The following PAPPA2 variants were observed in gnomAD, a reference collection of about 807,000 sequenced individuals.
PAPPA2 encodes the protein pappalysin-2.
A neutral mutation model predicts 176.4 loss-of-function variants in PAPPA2; 86 were observed. That is an observed-to-expected ratio of 0.49 (90% CI 0.41 to 0.58). PAPPA2 has a LOEUF of 0.58. PAPPA2 is among the 20% of genes least tolerant of loss of function. PAPPA2 has a pLI of 0.00. For synonymous variants in PAPPA2, 809 were observed against 852.2 expected, an observed-to-expected ratio of 0.95 and a Z score of 0.88; for missense variants, 2,073 against 2,256.9, an observed-to-expected ratio of 0.92 and a Z score of 1.65.
intron 1 of PAPPA2, among the ~76,000 whole-genome samples, chr1:176,497,282 C>T (rs940282624): frequency 2.6e-5 from 4 of 152,194 alleles, no homozygotes; most frequent in African/African-American, 7.2e-5. Flanking sequence ...CTACGACCAC[C>T]TAATGCAGAA....
At chr1:176,830,992 CAAAT>C (rs944897291) in intron 21 of PAPPA2, among the ~76,000 whole-genome samples, 3 of 152,182 alleles carry the variant, frequency 2.0e-5, no homozygotes, top group African/African-American at 7.2e-5. Context: ...AAAATCTTGA[CAAAT>C]GAATTGTACA....
intron 12 of PAPPA2, among the ~76,000 whole-genome samples, chr1:176,720,765 C>G (rs1304424046): frequency 6.6e-6 from 1 of 152,094 alleles, no homozygotes; most frequent in Non-Finnish European, 1.5e-5. Flanking sequence ...ATGCTGGTAG[C>G]ATGACTCAGT....
At chr1:176,552,479 C>T (rs1651023568) in intron 1 of PAPPA2, among the ~76,000 whole-genome samples, 1 of 151,402 alleles carries the variant, frequency 6.6e-6, no homozygotes, top group Non-Finnish European at 1.5e-5. Context: ...CCTCTCTCTC[C>T]TCGCTTTCCT....
chr1:176,534,263 A>G (rs1456912840), intron 1 of PAPPA2, among the ~76,000 whole-genome samples: 2 of 152,112 alleles, frequency 1.3e-5, no homozygotes, highest in Non-Finnish European at 2.9e-5. Context: ...GATTCCCATT[A>G]GCTCCCTGCC....
chr1:176,754,841 G>A (rs1886766), intron 14 of PAPPA2, among the ~76,000 whole-genome samples: 65,371 of 152,036 alleles, frequency 0.43, 15,460 homozygotes, highest in African/African-American at 0.62. Context: ...AGATTTGACC[G>A]TAAGCTCTGG....
Position 176,556,070 on chromosome 1 carries a change from G to C in PAPPA2, c.-253G>C. ...TGCAAGGACTAAAGTACAGCAAGAG[G>C]AGAGAGGTCAAGCGAGAAGCGTGCG... is the stretch of plus-strand genomic sequence containing the variant. On this transcript the variant is annotated 5_prime_UTR_variant, in exon 2 of 23. Transcript: ENST00000367662. The C allele has an allele frequency of 2.1e-6, 1 of 487,048 alleles. No individual in the cohort carries two copies. Among genetic ancestry groups the C allele is most frequent in the Non-Finnish European group, 3.6e-6 (1 of 276,636 alleles). 30.2% of individuals were successfully genotyped at this position (487,048 alleles called of 1,614,324 possible).
chr1:176,580,039 TA>T (rs1406729666), intron 2 of PAPPA2, among the ~76,000 whole-genome samples: 2 of 152,206 alleles, frequency 1.3e-5, no homozygotes, highest in African/African-American at 2.4e-5. Context: ...TTCTAGCTAT[TA>T]AAAAATATAT....
chr1:176,493,933 C>T (rs1281044703), intron 1 of PAPPA2, among the ~76,000 whole-genome samples: 1 of 152,074 alleles, frequency 6.6e-6, no homozygotes, highest in Non-Finnish European at 1.5e-5. Flanking sequence ...GATTATTGGC[C>T]TGGCTCAATA....
intron 1 of PAPPA2, among the ~76,000 whole-genome samples, chr1:176,486,492 G>C (rs2102487166): frequency 6.6e-6 from 1 of 152,116 alleles, no homozygotes; most frequent in Non-Finnish European, 1.5e-5. Context: ...AGAAGTTCTT[G>C]GCATCAAGTG....
At chr1:176,667,537 CG>C (rs1658735741) in intron 3 of PAPPA2, among the ~76,000 whole-genome samples, 1 of 152,150 alleles carries the variant, frequency 6.6e-6, no homozygotes, top group Non-Finnish European at 1.5e-5. Flanking sequence ...TTGGTGCTTC[CG>C]GGGGCCCACA....
intron 20 of PAPPA2, among the ~76,000 whole-genome samples, chr1:176,796,134 G>A (rs1665414358): frequency 6.6e-6 from 1 of 152,180 alleles, no homozygotes; most frequent in Admixed American, 6.5e-5. Flanking sequence ...GACACTGGCT[G>A]CAGATCATTG....
Position 176,659,313 on chromosome 1 carries a change from C to G in PAPPA2, c.1992-11657C>G, listed in dbSNP as rs370721719. ...CTGAGGGCTGTGAGGGAGATTCTGTCCCAGGCTCCGCTCCTAGCTTTTAGT... is the reference window on the plus strand; with the variant it reads ...CTGAGGGCTGTGAGGGAGATTCTGTGCCAGGCTCCGCTCCTAGCTTTTAGT... On this transcript the variant is annotated intron_variant, in intron 3 of 22. Transcript: ENST00000367662. Among the ~76,000 whole-genome samples, 14 of 152,120 alleles carry G rather than the reference C, an allele frequency of 9.2e-5. No homozygotes were observed. In the South Asian group the frequency reaches 2.9e-3, roughly 31 times the overall value.
At chr1:176,616,985 C>T (rs1440315616) in intron 3 of PAPPA2, among the ~76,000 whole-genome samples, 1 of 152,196 alleles carries the variant, frequency 6.6e-6, no homozygotes, top group Non-Finnish European at 1.5e-5. Context: ...TCCAGTAATA[C>T]TGAGGCAACA....
At chr1:176,702,772 T>TGC (rs1558530605) in intron 9 of PAPPA2, 37 bp downstream of exon 9, 4 of 1,553,772 alleles carry the variant, frequency 2.6e-6, no homozygotes, top group Admixed American at 1.7e-5. Context: ...TGTGTGTGTG[T>TGC]GTGTGAGAGA....
At chr1:176,623,708 T>C (rs879743906) in intron 3 of PAPPA2, among the ~76,000 whole-genome samples, 56 of 108,746 alleles carry the variant, frequency 5.1e-4, no homozygotes, top group South Asian at 3.1e-3. Context: ...CTTTCTTTCT[T>C]TTCTTCTTTC....
intron 1 of PAPPA2, among the ~76,000 whole-genome samples, chr1:176,479,955 C>T (rs571833337): frequency 3.3e-5 from 5 of 152,204 alleles, no homozygotes; most frequent in Non-Finnish European, 7.3e-5. Context: ...AAGTTTTAGC[C>T]TGTAGAAGAG....
intron 14 of PAPPA2, among the ~76,000 whole-genome samples, chr1:176,749,398 C>G (rs1663060326): frequency 6.6e-6 from 1 of 152,190 alleles, no homozygotes; most frequent in South Asian, 2.1e-4. Flanking sequence ...TCAACATCCC[C>G]CACCAGAGTG....
At chr1:176,768,242 C>G (rs1404112389) in intron 15 of PAPPA2, among the ~76,000 whole-genome samples, 1 of 152,118 alleles carries the variant, frequency 6.6e-6, no homozygotes, top group African/African-American at 2.4e-5. Flanking sequence ...CCCACCTCCC[C>G]CTGTACTGCT....
chr1:176,841,480 A>G lies in PAPPA2; in HGVS notation c.5302-900A>G, dbSNP rs141617008. On this transcript the variant is annotated intron_variant, in intron 22 of 22. Coordinates refer to ENST00000367662, the MANE Select transcript of PAPPA2 (RefSeq NM_020318.3). Reference sequence around the variant, plus strand: ...GCCCAATCACCAAGCCCATCTCTTTAGTGTACTTGGACTAGTATTGTGTGT... The same window carrying G: ...GCCCAATCACCAAGCCCATCTCTTTGGTGTACTTGGACTAGTATTGTGTGT... Among the ~76,000 whole-genome samples the G allele has an allele frequency of 1.1e-3, 171 of 152,198 alleles. 1 individual carries two copies. Among genetic ancestry groups the G allele is most frequent in the Middle Eastern group, 3.4e-3 (1 of 294 alleles).
Sources: gnomAD v4.1 joint callset for allele counts (sites outside exome capture counted in the v4.1 genomes callset) on GRCh38, gnomAD v4.1.1 for gene constraint, MANE v1.5 for transcripts, NCBI Gene and HGNC (gene_info 2026-07-23, HGNC 2026-07-21) for gene names.